The following CFAP70 variants were observed in gnomAD, a reference collection of about 807,000 sequenced individuals.
CFAP70 encodes the protein cilia- and flagella-associated protein 70.
A neutral mutation model predicts 137.6 loss-of-function variants in CFAP70; 81 were observed. That is an observed-to-expected ratio of 0.59 (90% CI 0.49 to 0.71). The LOEUF (loss-of-function observed/expected upper bound fraction) is 0.71, where lower values mean the gene tolerates loss of function less well. Among genes scored for constraint, CFAP70 ranks in the 30% least tolerant of loss-of-function variants. The probability of loss-of-function intolerance (pLI) is 0.00; values close to 1 mark genes in which losing one functional copy is unlikely to be tolerated. For synonymous variants in CFAP70, 382 were observed against 423.6 expected (o/e 0.90, Z 1.20); for missense variants, 976 against 1,226.7 (o/e 0.80, Z 3.05).
At chr10:73,257,050 C>T (rs1222161476) in intron 25 of CFAP70, among the ~76,000 whole-genome samples, 5 of 151,940 alleles carry the variant, frequency 3.3e-5, no homozygotes, top group Non-Finnish European at 7.4e-5. Context: ...ATAATTAACA[C>T]TTACCACTCC....
At chr10:73,292,252 T>G (rs1377149054) in intron 16 of CFAP70, among the ~76,000 whole-genome samples, 5 of 152,198 alleles carry the variant, frequency 3.3e-5, no homozygotes, top group Non-Finnish European at 7.3e-5. Context: ...TTGTTCCTAG[T>G]GTCAGTATTC....
rs1253458738 is a variant in CFAP70, at chr10:73,316,481, G to GAT, written c.913-3840_913-3839dup. ...TTGTTGAGATATATATATATATATAGATATAGATATATATATATATATATA... is the reference window on the plus strand; with the variant it reads ...TTGTTGAGATATATATATATATATAGATATATAGATATATATATATATATATA... On this transcript the variant is annotated intron_variant, in intron 9 of 26. Transcript: ENST00000310715. 7.7e-3 allele frequency among the ~76,000 whole-genome samples: 825 copies of GAT among 106,466 alleles called. 4 individuals carry two copies. Among genetic ancestry groups the GAT allele is most frequent in the East Asian group, 0.018 (43 of 2,440 alleles). The allele number at this position is 106,466 out of a possible 152,430, so 69.8% of individuals were successfully genotyped here.
At chr10:73,257,711 T>A (rs1409972834) in intron 25 of CFAP70, among the ~76,000 whole-genome samples, 1 of 152,198 alleles carries the variant, frequency 6.6e-6, no homozygotes, top group Non-Finnish European at 1.5e-5. Flanking sequence ...CACCTGCCTT[T>A]CCTACCACTA....
intron 19 of CFAP70, among the ~76,000 whole-genome samples, chr10:73,279,763 T>C (rs2047119388): frequency 6.6e-6 from 1 of 151,486 alleles, no homozygotes; most frequent in Non-Finnish European, 1.5e-5. Context: ...GGGACTGAGG[T>C]GGGAGGACTG....
chr10:73,259,278 G>A (rs887741341), intron 25 of CFAP70, among the ~76,000 whole-genome samples: 3 of 152,178 alleles, frequency 2.0e-5, no homozygotes, highest in Non-Finnish European at 4.4e-5. Flanking sequence ...ACCCCAATAA[G>A]TGCTAATACC....
intron 19 of CFAP70, among the ~76,000 whole-genome samples, chr10:73,280,513 T>C (rs1011285272): frequency 4.6e-5 from 7 of 152,176 alleles, no homozygotes; most frequent in African/African-American, 1.7e-4. Context: ...ATTTCTTCCT[T>C]AAATATTTAA....
At chr10:73,291,612 C>G in intron 18 of CFAP70, 28 bp downstream of exon 19, 1 of 1,584,862 alleles carries the variant, frequency 6.3e-7, no homozygotes, top group Non-Finnish European at 8.6e-7. Context: ...GGGGAGAAAA[C>G]ACATTCAGAT....
At chr10:73,313,449 G>A in intron 9 of CFAP70, among the ~76,000 whole-genome samples, 1 of 150,922 alleles carries the variant, frequency 6.6e-6, no homozygotes, top group Non-Finnish European at 1.5e-5. Flanking sequence ...AGGCTGAGGT[G>A]GGAGAATCAC....
intron 3 of CFAP70, among the ~76,000 whole-genome samples, 158 bp from the exon 4 acceptor site, chr10:73,348,679 C>T (rs1453038675): frequency 6.6e-6 from 1 of 152,170 alleles, no homozygotes; most frequent in South Asian, 2.1e-4. Flanking sequence ...GTGGAAAATA[C>T]TGGACCACTT....
chr10:73,311,868 C>A lies in CFAP70; in HGVS notation c.1130G>T (p.Gly377Val). 3 of 1,613,980 alleles carry A rather than the reference C, an allele frequency of 1.9e-6. 1 individual carries two copies. Among genetic ancestry groups the A allele is most frequent in the Non-Finnish European group, 2.5e-6 (3 of 1,179,926 alleles). ...AGGATTGTGACTTAGAGGGGGTTCA[C>A]CTTCCAAAGGAGTATCTGAGCTCTG... Residue 377 changes from glycine to valine, a missense_variant, in exon 11 of 27, where the codon GGT (glycine) becomes GTT (valine). Coordinates refer to ENST00000310715, the Ensembl canonical transcript of CFAP70.
intron 8 of CFAP70, among the ~76,000 whole-genome samples, chr10:73,326,205 T>C (rs552581416): frequency 1.3e-5 from 2 of 151,984 alleles, no homozygotes; most frequent in African/African-American, 4.8e-5. Flanking sequence ...CTCAACTACA[T>C]GGAAACTGAA....
At chr10:73,300,479 C>T (rs57688331) in intron 12 of CFAP70, among the ~76,000 whole-genome samples, 16,062 of 151,850 alleles carry the variant, frequency 0.11, 1,224 homozygotes, top group East Asian at 0.31. Context: ...TTAGAAGGTA[C>T]GAAACTGTAT....
intron 23 of CFAP70, among the ~76,000 whole-genome samples, chr10:73,274,048 C>T (rs1328841227): frequency 6.6e-6 from 1 of 152,194 alleles, no homozygotes; most frequent in Non-Finnish European, 1.5e-5. Context: ...TTAGCCTCAA[C>T]CAGATTAAAT....
At chr10:73,355,113 C>T (rs765679439) in intron 1 of CFAP70, among the ~76,000 whole-genome samples, 7 of 152,156 alleles carry the variant, frequency 4.6e-5, no homozygotes, top group African/African-American at 1.2e-4. Context: ...CCTCCCATAC[C>T]CTACATCAGG....
chr10:73,337,860 C>T (rs1465187674), intron 6 of CFAP70, among the ~76,000 whole-genome samples: 5 of 150,156 alleles, frequency 3.3e-5, no homozygotes, highest in East Asian at 2.0e-4. Context: ...GAGCCAAGAT[C>T]GGGCCATTGC....
chr10:73,282,789 T>C (rs1276496130), intron 19 of CFAP70, among the ~76,000 whole-genome samples: 2 of 152,036 alleles, frequency 1.3e-5, no homozygotes, highest in African/African-American at 4.8e-5. Context: ...TAGATATGCG[T>C]TGATCATTTC....
At chr10:73,258,521 G>A (rs1160837914) in intron 25 of CFAP70, among the ~76,000 whole-genome samples, 2 of 152,234 alleles carry the variant, frequency 1.3e-5, no homozygotes, top group Non-Finnish European at 2.9e-5. Context: ...TAGAGCACGT[G>A]TGTTTGAACA....
chr10:73,263,861 G>A (rs535620277), intron 25 of CFAP70, among the ~76,000 whole-genome samples: 21 of 152,056 alleles, frequency 1.4e-4, no homozygotes, highest in African/African-American at 5.1e-4. Context: ...CTATTATGAT[G>A]GTTTCCAAAT....
At chr10:73,263,031 ATTATC>A (rs1409520250) in intron 25 of CFAP70, among the ~76,000 whole-genome samples, 1 of 152,226 alleles carries the variant, frequency 6.6e-6, no homozygotes, top group Non-Finnish European at 1.5e-5. Context: ...ATAGAATACT[ATTATC>A]TAATCTATAG....
Sources: allele counts gnomAD v4.1 joint callset (sites outside exome capture counted in the v4.1 genomes callset), GRCh38; gene constraint gnomAD v4.1.1; transcripts MANE v1.5; gene names NCBI Gene and HGNC (gene_info 2026-07-23, HGNC 2026-07-21).